The following GSE1 variants were observed in gnomAD, a reference collection of about 807,000 sequenced individuals.
The protein encoded by GSE1 is Gse1 coiled-coil protein, also known as genetic suppressor element 1.
In GSE1, 32 loss-of-function variants were observed where a neutral mutation model predicts 112.6. The observed-to-expected ratio is 0.28, with a 90% CI of 0.21 to 0.38. The LOEUF is 0.38. GSE1 is among the 10% of genes least tolerant of loss of function. The probability of loss-of-function intolerance (pLI) is 1.00; values close to 1 mark genes in which losing one functional copy is unlikely to be tolerated. For missense variants in GSE1, 2,348 were observed against 1,699.2 expected (o/e 1.38, Z -6.71); for synonymous variants, 1,115 against 735.6 (o/e 1.52, Z -8.35).
chr16:85,413,293 G>A (rs1045735856), intron 2 of GSE1, among the ~76,000 whole-genome samples: 2 of 152,212 alleles, frequency 1.3e-5, no homozygotes, highest in East Asian at 1.9e-4. Context: ...GGGTTGGGAA[G>A]CCAAGAGCTG....
rs566384600 is a variant in GSE1, at chr16:85,668,226, C to T, written c.3217C>T (p.Arg1073Cys). The T allele has an allele frequency of 2.8e-5, 45 of 1,609,756 alleles. 1 individual carries two copies. The South Asian group carries it at 3.1e-4, about 11-fold the overall frequency. Residue 1073 changes from arginine (R) to cysteine (C), a missense_variant, in exon 14 of 16, where the codon CGC becomes TGC. Transcript: ENST00000253458. ...YNIPELQSSS[R>C]APPPQHNGQQ... Reference sequence around the variant, plus strand: ...CATTCCTGAGCTGCAGTCCTCCAGCCGCGCCCCTCCACCCCAGCACAATGG... The same window carrying T: ...CATTCCTGAGCTGCAGTCCTCCAGCTGCGCCCCTCCACCCCAGCACAATGG...
intron 1 of GSE1, among the ~76,000 whole-genome samples, chr16:85,557,777 T>TA (rs34691147): frequency 0.084 from 11,653 of 138,690 alleles, 1,397 homozygotes; most frequent in African/African-American, 0.27. Flanking sequence ...CCAACTGACT[T>TA]AAAAAAAAAA....
intron 1 of GSE1, among the ~76,000 whole-genome samples, chr16:85,619,044 TC>T (rs1317855539): frequency 6.6e-6 from 1 of 152,202 alleles, no homozygotes; most frequent in African/African-American, 2.4e-5. Context: ...TGGCCCCTTT[TC>T]CCAAAAAGAC....
At chr16:85,169,814 A>C in exon 1 of GSE1, 1 of 984,086 alleles carries the variant, frequency 1.0e-6, no homozygotes, top group Non-Finnish European at 1.2e-6. Context: ...CTGGGCGAGC[A>C]GTGGGCCGCC....
In GSE1 at chr16:85,387,860, T is replaced by C. The variant is rs147248119; in HGVS notation, c.2464+30217T>C. 2.8e-4 allele frequency among the ~76,000 whole-genome samples: 43 copies of C among 152,182 alleles called. No homozygotes were observed. In the East Asian group the frequency reaches 7.0e-3, roughly 25 times the overall value. ...GGTGTATGTTTGCATGGACGGATGA[T>C]TGGATGATTGGTTGGATGGGTGGGT... On this transcript the variant is annotated intron_variant, in intron 2 of 2. Transcript: ENST00000637419.
chr16:85,262,319 TGTG>T (rs1246461921), intron 1 of GSE1, among the ~76,000 whole-genome samples: 1 of 152,236 alleles, frequency 6.6e-6, no homozygotes, highest in Non-Finnish European at 1.5e-5. Context: ...CCTTTTATCA[TGTG>T]GTGACACGCG....
intron 2 of GSE1, among the ~76,000 whole-genome samples, chr16:85,522,175 C>T (rs2052207320): frequency 6.6e-6 from 1 of 152,174 alleles, no homozygotes; most frequent in South Asian, 2.1e-4. Context: ...AGTGGGGCTC[C>T]CTCCTCTCCT....
At chr16:85,494,493 C>T (rs990825840) in intron 2 of GSE1, among the ~76,000 whole-genome samples, 2 of 149,578 alleles carry the variant, frequency 1.3e-5, no homozygotes, top group Admixed American at 1.3e-4. Flanking sequence ...CACTCTGTTG[C>T]CCAGGCTGGA....
At chr16:85,208,859 TCAC>T (rs1290228764) in intron 1 of GSE1, among the ~76,000 whole-genome samples, 13 of 105,038 alleles carry the variant, frequency 1.2e-4, no homozygotes, top group African/African-American at 3.9e-4. Context: ...GTGTTGGGGT[TCAC>T]CATATGTTGG....
At chr16:85,663,747 C>A (rs956104192) in intron 11 of GSE1, 133 bp downstream of exon 11, 1 of 880,714 alleles carries the variant, frequency 1.1e-6, no homozygotes, top group Non-Finnish European at 1.7e-6. Flanking sequence ...TTACTCCTCC[C>A]GGCTCCCGGG....
At chr16:85,412,434 CCCCCGG>C (rs2048583562) in intron 2 of GSE1, among the ~76,000 whole-genome samples, 1 of 24,744 alleles carries the variant, frequency 4.0e-5, no homozygotes, top group Non-Finnish European at 9.6e-5. Flanking sequence ...ACACTCAGGC[CCCCCGG>C]ATAATCCTCA....
At chr16:85,391,536 T>C (rs1308905895) in intron 2 of GSE1, among the ~76,000 whole-genome samples, 1 of 152,216 alleles carries the variant, frequency 6.6e-6, no homozygotes, top group Non-Finnish European at 1.5e-5. Flanking sequence ...TTCCTTGGCT[T>C]GCGGCAGCAT....
At chr16:85,452,584 C>A (rs549015765) in intron 2 of GSE1, among the ~76,000 whole-genome samples, 34 of 152,364 alleles carry the variant, frequency 2.2e-4, no homozygotes, top group Middle Eastern at 6.8e-3. Flanking sequence ...GGTGCTGCTG[C>A]ATCTCAAAGG....
At chr16:85,369,542 C>T (rs975335403) in intron 2 of GSE1, among the ~76,000 whole-genome samples, 3 of 152,092 alleles carry the variant, frequency 2.0e-5, no homozygotes, top group African/African-American at 7.2e-5. Context: ...TCACATCTCC[C>T]ACCACCCACT....
At chr16:85,341,918 C>G (rs967510615) in intron 1 of GSE1, among the ~76,000 whole-genome samples, 6 of 152,294 alleles carry the variant, frequency 3.9e-5, no homozygotes, top group African/African-American at 1.4e-4. Context: ...CCAATGGCCT[C>G]AGTCCCTGGG....
chr16:85,413,147 C>T (rs898513025), intron 2 of GSE1, among the ~76,000 whole-genome samples: 9 of 152,178 alleles, frequency 5.9e-5, no homozygotes, highest in Non-Finnish European at 8.8e-5. Context: ...TGTGTGTTTC[C>T]GCACACCCTG....
At chr16:85,424,353 C>T (rs1045342676) in intron 2 of GSE1, among the ~76,000 whole-genome samples, 5 of 152,196 alleles carry the variant, frequency 3.3e-5, no homozygotes, top group African/African-American at 4.8e-5. Flanking sequence ...CTGTTCGGCC[C>T]GGGGCTCATG....
intron 2 of GSE1, among the ~76,000 whole-genome samples, chr16:85,429,336 C>G (rs1328817145): frequency 6.6e-6 from 1 of 152,250 alleles, no homozygotes; most frequent in African/African-American, 2.4e-5. Flanking sequence ...GAGCTCCCCG[C>G]AGGGTCTTCT....
chr16:85,461,413 C>CA (rs970530844), intron 2 of GSE1, among the ~76,000 whole-genome samples: 43 of 152,176 alleles, frequency 2.8e-4, no homozygotes, highest in Non-Finnish European at 5.9e-4. Context: ...ACCTTGGCTG[C>CA]GCACTGGAAG....
Sources: allele counts gnomAD v4.1 joint callset (sites outside exome capture counted in the v4.1 genomes callset), GRCh38; gene constraint gnomAD v4.1.1; transcripts MANE v1.5; gene names NCBI Gene and HGNC (gene_info 2026-07-23, HGNC 2026-07-21).